Variants in CTNNA2 observed in about 807,000 individuals in gnomAD.
CTNNA2 encodes the protein catenin alpha-2.
A neutral mutation model predicts 101.0 loss-of-function variants in CTNNA2; 42 were observed. The observed-to-expected ratio is 0.42, with a 90% CI of 0.32 to 0.54. The LOEUF is 0.54. Among genes scored for constraint, CTNNA2 ranks in the 20% least tolerant of loss-of-function variants. The pLI, the probability that CTNNA2 is intolerant of heterozygous loss-of-function variation, is 0.14. For missense variants in CTNNA2, 871 were observed against 1,223.1 expected (o/e 0.71, Z 4.29); for synonymous variants, 450 against 456.4 (o/e 0.99, Z 0.18).
chr2:79,835,149 C>T (rs1679226017), intron 3 of CTNNA2, among the ~76,000 whole-genome samples: 1 of 152,084 alleles, frequency 6.6e-6, no homozygotes, highest in Non-Finnish European at 1.5e-5. Flanking sequence ...TATTTATTGG[C>T]CCTCTTTTCC....
intron 11 of CTNNA2, among the ~76,000 whole-genome samples, chr2:80,553,727 G>T: frequency 6.6e-6 from 1 of 152,258 alleles, no homozygotes; most frequent in East Asian, 1.9e-4. Context: ...TTACTCTCAA[G>T]GGCCAGGACA....
intron 1 of CTNNA2, among the ~76,000 whole-genome samples, chr2:79,582,218 T>C (rs570447090): frequency 6.6e-6 from 1 of 152,360 alleles, no homozygotes; most frequent in African/African-American, 2.4e-5. Context: ...GAATTAAATA[T>C]GTTAACATGT....
chr2:79,982,401 T>A (rs7604284), intron 7 of CTNNA2, among the ~76,000 whole-genome samples: 15 of 143,192 alleles, frequency 1.0e-4, no homozygotes, highest in East Asian at 6.0e-4. Context: ...ATAACATATA[T>A]AACATATAAC....
intron 9 of CTNNA2, among the ~76,000 whole-genome samples, chr2:80,495,785 C>CA (rs1308714552): frequency 6.6e-6 from 1 of 151,732 alleles, no homozygotes; most frequent in Non-Finnish European, 1.5e-5. Flanking sequence ...CTAAAAAATA[C>CA]AAAAATTAGC....
chr2:80,455,846 A>G (rs1298200310), intron 9 of CTNNA2, among the ~76,000 whole-genome samples: 1 of 152,098 alleles, frequency 6.6e-6, no homozygotes, highest in Non-Finnish European at 1.5e-5. Flanking sequence ...TATGAGCATA[A>G]TTTTGTTCTC....
intron 7 of CTNNA2, among the ~76,000 whole-genome samples, chr2:79,982,310 T>C (rs1276414435): frequency 2.7e-4 from 38 of 139,828 alleles, no homozygotes; most frequent in African/African-American, 1.0e-3. Flanking sequence ...ATATAAAACA[T>C]ATATAACATA....
chr2:79,847,315 C>T (rs1364450727), intron 3 of CTNNA2, among the ~76,000 whole-genome samples: 4 of 151,890 alleles, frequency 2.6e-5, no homozygotes, highest in East Asian at 1.9e-4. Flanking sequence ...GAGGCTGAGG[C>T]GAGTGGATCA....
chr2:79,382,706 C>T lies in CTNNA2; in HGVS notation c.-135+8693C>T, dbSNP rs181161374. On this transcript the variant is annotated intron_variant, in intron 4 of 21. Coordinates refer to the CTNNA2 transcript ENST00000466387. Reference sequence around the variant, plus strand: ...TCGGCTCCCTGCAAGCTCTGCCTCCCGGGTTCATGCCATTCTCCTGCCTCA... The same window carrying T: ...TCGGCTCCCTGCAAGCTCTGCCTCCTGGGTTCATGCCATTCTCCTGCCTCA... Among the ~76,000 whole-genome samples, 308 of 152,282 alleles carry T rather than the reference C, an allele frequency of 2.0e-3. 2 individuals are homozygous for T. The highest frequency in any genetic ancestry group is 6.9e-3 in the African/African-American group (285 of 41,568).
chr2:79,727,281 A>G (rs1471004327), intron 2 of CTNNA2, among the ~76,000 whole-genome samples: 1 of 152,162 alleles, frequency 6.6e-6, no homozygotes, highest in African/African-American at 2.4e-5. Flanking sequence ...AAACCAAAGA[A>G]AGTGTACATA....
chr2:79,721,729 G>A (rs1014119425), intron 2 of CTNNA2, among the ~76,000 whole-genome samples: 14 of 152,266 alleles, frequency 9.2e-5, no homozygotes, highest in African/African-American at 3.4e-4. Context: ...TAATATAGCA[G>A]CTCTTCTACT....
chr2:79,753,302 C>G (rs575658478), intron 3 of CTNNA2, among the ~76,000 whole-genome samples: 2 of 152,064 alleles, frequency 1.3e-5, no homozygotes, highest in Non-Finnish European at 2.9e-5. Context: ...TGTTCACATA[C>G]GGTAGTCAGT....
chr2:79,573,148 A>G (rs1163594929), intron 1 of CTNNA2, among the ~76,000 whole-genome samples: 3 of 152,200 alleles, frequency 2.0e-5, no homozygotes, highest in African/African-American at 7.2e-5. Context: ...AGAATTTTAA[A>G]ACAAAATTAC....
chr2:79,710,415 G>A (rs1558861646), intron 2 of CTNNA2, among the ~76,000 whole-genome samples: 1 of 152,132 alleles, frequency 6.6e-6, no homozygotes, highest in Admixed American at 6.6e-5. Flanking sequence ...ATTTTGAACT[G>A]TCTAGGAATA....
chr2:79,911,447 G>A (rs1014753747), intron 7 of CTNNA2, among the ~76,000 whole-genome samples: 4 of 152,196 alleles, frequency 2.6e-5, no homozygotes, highest in African/African-American at 9.7e-5. Context: ...AGAAATCACA[G>A]AACGTGACTA....
intron 2 of CTNNA2, chr2:79,198,120 A>C (rs922630779): frequency 2.0e-5 from 3 of 152,190 alleles, no homozygotes; most frequent in African/African-American, 7.2e-5. Context: ...ACTGGGATTC[A>C]GATATGTTAA....
intron 7 of CTNNA2, among the ~76,000 whole-genome samples, chr2:80,008,783 G>C (rs1693561101): frequency 6.6e-6 from 1 of 152,216 alleles, no homozygotes; most frequent in Non-Finnish European, 1.5e-5. Flanking sequence ...TTGGGTACCA[G>C]ATGAGATAAC....
intron 18 of CTNNA2, among the ~76,000 whole-genome samples, chr2:80,645,240 G>A (rs1673943453): frequency 1.3e-5 from 2 of 152,096 alleles, no homozygotes; most frequent in South Asian, 4.1e-4. Flanking sequence ...ACAGAGAACT[G>A]TGCATTGGCC....
chr2:80,637,508 G>T (rs1311853545), intron 18 of CTNNA2, among the ~76,000 whole-genome samples: 3 of 151,872 alleles, frequency 2.0e-5, no homozygotes, highest in African/African-American at 4.8e-5. Context: ...AGAAAGAGGT[G>T]GGGAAGAGGT....
At chr2:79,959,696 T>C (rs1689498187) in intron 7 of CTNNA2, among the ~76,000 whole-genome samples, 1 of 152,246 alleles carries the variant, frequency 6.6e-6, no homozygotes, top group Non-Finnish European at 1.5e-5. Flanking sequence ...TTAGTGGTTT[T>C]GTGGCCCCTT....
Sources: allele counts gnomAD v4.1 joint callset (sites outside exome capture counted in the v4.1 genomes callset), GRCh38; gene constraint gnomAD v4.1.1; transcripts MANE v1.5; gene names NCBI Gene and HGNC (gene_info 2026-07-23, HGNC 2026-07-21).